SLC12A8: variants seen among roughly 807,000 people sequenced by gnomAD.
The protein encoded by SLC12A8 is cation-chloride cotransporter 9.
Under a neutral mutation model 75.6 loss-of-function variants are expected in SLC12A8, and 69 were observed. The observed-to-expected ratio is 0.91, with a 90% CI of 0.75 to 1.11. The LOEUF is 1.11. Ranked by LOEUF, SLC12A8 falls within the 50% of genes most tolerant of loss-of-function variation. The pLI is 0.00. For synonymous variants in SLC12A8, 365 were observed against 372.8 expected (o/e 0.98, Z 0.24); for missense variants, 877 against 896.7 (o/e 0.98, Z 0.28).
At chr3:125,148,982 G>T (rs1419493209) in intron 5 of SLC12A8, among the ~76,000 whole-genome samples, 1 of 152,148 alleles carries the variant, frequency 6.6e-6, no homozygotes, top group African/African-American at 2.4e-5. Flanking sequence ...GGGGGCACAG[G>T]CAGGATGTGT....
intron 5 of SLC12A8, among the ~76,000 whole-genome samples, chr3:125,140,259 G>A (rs1933596662): frequency 6.6e-6 from 1 of 152,188 alleles, no homozygotes; most frequent in Non-Finnish European, 1.5e-5. Flanking sequence ...TGAACAACAA[G>A]ACCTTACAAT....
At chr3:125,158,562 T>C (rs1934099117) in intron 5 of SLC12A8, among the ~76,000 whole-genome samples, 1 of 152,210 alleles carries the variant, frequency 6.6e-6, no homozygotes, top group African/African-American at 2.4e-5. Context: ...CCAACTATTA[T>C]AAGATCCTCT....
chr3:125,164,606 TG>T (rs1934246809), intron 5 of SLC12A8, among the ~76,000 whole-genome samples: 1 of 152,240 alleles, frequency 6.6e-6, no homozygotes, highest in East Asian at 1.9e-4. Flanking sequence ...CCTGAGCCTG[TG>T]CCCAGTGTAA....
intron 10 of SLC12A8, 41 bp downstream of exon 10, chr3:125,107,440 T>A: frequency 6.5e-7 from 1 of 1,547,178 alleles, no homozygotes; most frequent in Non-Finnish European, 8.8e-7. Flanking sequence ...TCAGTGGTCA[T>A]CCCCAAATAA....
At chr3:125,116,968 A>G (rs1182681672) in intron 8 of SLC12A8, among the ~76,000 whole-genome samples, 1 of 152,202 alleles carries the variant, frequency 6.6e-6, no homozygotes, top group African/African-American at 2.4e-5. Flanking sequence ...TGAGGGCTAT[A>G]GATTCCTGCC....
At chr3:125,124,642 G>C (rs1343899562) in intron 6 of SLC12A8, among the ~76,000 whole-genome samples, 1 of 152,002 alleles carries the variant, frequency 6.6e-6, no homozygotes, top group East Asian at 1.9e-4. Flanking sequence ...TTTGTTATAG[G>C]GGCTCACACA....
At chr3:125,084,660 G>A (rs779825450) in intron 13 of SLC12A8, among the ~76,000 whole-genome samples, 1 of 152,242 alleles carries the variant, frequency 6.6e-6, no homozygotes, top group Non-Finnish European at 1.5e-5. Flanking sequence ...TGTTAGGGAT[G>A]CATAGGGAAA....
chr3:125,176,643 C>T (rs1934534767), intron 5 of SLC12A8, among the ~76,000 whole-genome samples: 1 of 152,084 alleles, frequency 6.6e-6, no homozygotes, highest in African/African-American at 2.4e-5. Context: ...AAACAAACAA[C>T]CCTATCAAAA....
chr3:125,106,568 T>A (rs1939030857), intron 10 of SLC12A8, among the ~76,000 whole-genome samples: 2 of 152,188 alleles, frequency 1.3e-5, no homozygotes, highest in Admixed American at 1.3e-4. Context: ...CATGCCTGGC[T>A]AATTATTTGT....
chr3:125,183,956 G>GT (rs1158253521), intron 4 of SLC12A8, among the ~76,000 whole-genome samples: 1 of 148,942 alleles, frequency 6.7e-6, no homozygotes, highest in Non-Finnish European at 1.5e-5. Flanking sequence ...GCAAGCTTTT[G>GT]TTTTACTTTT....
chr3:125,084,773 G>T (rs946301294), intron 13 of SLC12A8, among the ~76,000 whole-genome samples: 8 of 152,198 alleles, frequency 5.3e-5, no homozygotes, highest in African/African-American at 7.2e-5. Context: ...TCAGCTAGGT[G>T]GCCTCCAGAA....
intron 13 of SLC12A8, among the ~76,000 whole-genome samples, chr3:125,087,431 A>G (rs981301617): frequency 5.9e-5 from 9 of 152,334 alleles, no homozygotes; most frequent in Non-Finnish European, 1.3e-4. Context: ...AGAAAAAAGG[A>G]TTATGAAGTT....
chr3:125,173,952 C>T (rs369022698), intron 5 of SLC12A8, among the ~76,000 whole-genome samples: 3 of 151,366 alleles, frequency 2.0e-5, no homozygotes, highest in African/African-American at 7.3e-5. Context: ...ATTAGTCGGG[C>T]GTGGTGGTGC....
chr3:125,179,729 GAGAA>G (rs1257724764), intron 4 of SLC12A8, among the ~76,000 whole-genome samples: 3 of 128,998 alleles, frequency 2.3e-5, no homozygotes, highest in African/African-American at 6.1e-5. Context: ...GAGAGAGAGA[GAGAA>G]AGAGAAAGAC....
intron 5 of SLC12A8, among the ~76,000 whole-genome samples, chr3:125,144,904 T>C (rs564014249): frequency 6.6e-6 from 1 of 152,056 alleles, no homozygotes; most frequent in African/African-American, 2.4e-5. Context: ...AGAGCCCCCC[T>C]CCTGCCAAGC....
intron 8 of SLC12A8, among the ~76,000 whole-genome samples, chr3:125,114,862 G>C (rs904248262): frequency 1.3e-5 from 2 of 152,060 alleles, no homozygotes; most frequent in Non-Finnish European, 2.9e-5. Context: ...GACTGTATAC[G>C]AGTTTATTCT....
At chr3:125,157,642 C>T (rs572131279) in intron 5 of SLC12A8, among the ~76,000 whole-genome samples, 8 of 152,194 alleles carry the variant, frequency 5.3e-5, no homozygotes, top group Non-Finnish European at 7.3e-5. Flanking sequence ...CTCTTCCATG[C>T]GCGCTGAGTC....
At chr3:125,194,980 G>A (rs116536827) in intron 2 of SLC12A8, among the ~76,000 whole-genome samples, 109 of 152,316 alleles carry the variant, frequency 7.2e-4, no homozygotes, top group Non-Finnish European at 1.2e-3. Context: ...GAGCTGGGCC[G>A]GGCGCCAGCA....
Position 125,110,251 on chromosome 3 carries a change from G to C in SLC12A8, c.997C>G (p.Arg333Gly). ...SCMGGLYGAP[R>G]ILQCIAQEKV... ...TCCTGGGCAATGCACTGCAGGATGC[G>C]GGGAGCTCCATAAAGTCCTCCCATG... The change falls in exon 9 of 14, where the codon CGC becomes GGC. Residue 333 changes from arginine to glycine, a missense_variant. Transcript: ENST00000469902. The C allele has an allele frequency of 6.2e-7, 1 of 1,613,916 alleles. No individual in the cohort carries two copies. Among genetic ancestry groups the C allele is most frequent in the Non-Finnish European group, 8.5e-7 (1 of 1,179,864 alleles).
Sources: allele counts gnomAD v4.1 joint callset (sites outside exome capture counted in the v4.1 genomes callset), GRCh38; gene constraint gnomAD v4.1.1; transcripts MANE v1.5; gene names NCBI Gene and HGNC (gene_info 2026-07-23, HGNC 2026-07-21).